The following BRD10 variants were observed in gnomAD, a reference collection of about 807,000 sequenced individuals.
The protein encoded by BRD10 is uncharacterized bromodomain-containing protein 10.
chr9:6,007,417 C>A, the BRD10 span: 2 of 1,607,272 alleles, frequency 1.2e-6, no homozygotes, highest in East Asian at 2.2e-5. Flanking sequence ...GCGACCGCCC[C>A]GGCCCCCGCT....
At chr9:5,917,531 A>G in the BRD10 span, among the ~76,000 whole-genome samples, 3 of 152,218 alleles carry the variant, frequency 2.0e-5, no homozygotes, top group African/African-American at 7.2e-5. Flanking sequence ...TTTTGGATTT[A>G]GGAGTTAGAA....
the BRD10 span, among the ~76,000 whole-genome samples, chr9:5,914,255 A>G: frequency 6.6e-6 from 1 of 150,642 alleles, no homozygotes; most frequent in Non-Finnish European, 1.5e-5. Flanking sequence ...ACAGCAACCA[A>G]CTCCTAAATA....
the BRD10 span, among the ~76,000 whole-genome samples, chr9:5,881,115 C>T: frequency 6.6e-6 from 1 of 152,198 alleles, no homozygotes; most frequent in African/African-American, 2.4e-5. Context: ...ACTTCACACA[C>T]ACACAATCCT....
the BRD10 span, among the ~76,000 whole-genome samples, chr9:5,916,489 G>C: frequency 2.0e-5 from 3 of 149,954 alleles, no homozygotes; most frequent in South Asian, 2.1e-4. Flanking sequence ...ACATGTATGT[G>C]TGTATATATA....
chr9:6,006,837 T>A, the BRD10 span, among the ~76,000 whole-genome samples: 1 of 152,236 alleles, frequency 6.6e-6, no homozygotes. Context: ...TTAAATGTCA[T>A]GCTAAAACTG....
chr9:5,993,312 T>TAA, the BRD10 span, among the ~76,000 whole-genome samples: 2,610 of 116,082 alleles, frequency 0.022, 93 homozygotes, highest in African/African-American at 0.083. Context: ...GAGACTCCAT[T>TAA]AAAAAAAAAA....
chr9:5,906,878 A>T, the BRD10 span: 1 of 1,542,842 alleles, frequency 6.5e-7, no homozygotes, highest in Non-Finnish European at 8.7e-7. Flanking sequence ...ATCAATTTAC[A>T]TTTCAGGATA....
chr9:5,915,396 T>A, the BRD10 span, among the ~76,000 whole-genome samples: 2 of 152,222 alleles, frequency 1.3e-5, no homozygotes, highest in South Asian at 2.1e-4. Flanking sequence ...TTCACAGCAA[T>A]CCTGCAAGGT....
At chr9:5,984,778 T>TA in the BRD10 span, among the ~76,000 whole-genome samples, 1 of 151,782 alleles carries the variant, frequency 6.6e-6, no homozygotes, top group Non-Finnish European at 1.5e-5. Context: ...ACCAAATATG[T>TA]AAAAAATGTG....
the BRD10 span, among the ~76,000 whole-genome samples, chr9:5,932,156 C>T: frequency 2.6e-5 from 4 of 152,028 alleles, no homozygotes; most frequent in East Asian, 3.8e-4. Flanking sequence ...TAAAAATCTA[C>T]ATAAAAATCA....
chr9:6,003,383 A>G, the BRD10 span, among the ~76,000 whole-genome samples: 1 of 152,152 alleles, frequency 6.6e-6, no homozygotes, highest in Non-Finnish European at 1.5e-5. Context: ...CGTTCTCTAA[A>G]GTTCTTTTCA....
chr9:5,998,189 T>C, the BRD10 span, among the ~76,000 whole-genome samples: 2 of 152,092 alleles, frequency 1.3e-5, no homozygotes, highest in African/African-American at 4.8e-5. Context: ...AAAGAAACTA[T>C]TAACAGTAGG....
At chr9:5,948,703 G>C in the BRD10 span, among the ~76,000 whole-genome samples, 1 of 151,774 alleles carries the variant, frequency 6.6e-6, no homozygotes, top group South Asian at 2.1e-4. Context: ...CAAAGCAAAA[G>C]GAAAACAATG....
the BRD10 span, among the ~76,000 whole-genome samples, chr9:5,980,936 T>TAAC: frequency 5.3e-5 from 8 of 152,210 alleles, no homozygotes; most frequent in East Asian, 7.7e-4. Flanking sequence ...ACAACAACAG[T>TAAC]AACAACAACA....
chr9:5,921,081 C>T, the BRD10 span: 22 of 1,613,824 alleles, frequency 1.4e-5, no homozygotes, highest in Non-Finnish European at 1.9e-5. Context: ...GATTCATTAA[C>T]AGGGGTAATA....
At chr9:5,920,240 T>C in the BRD10 span, 2 of 1,613,772 alleles carry the variant, frequency 1.2e-6, no homozygotes, top group Non-Finnish European at 1.7e-6. Flanking sequence ...GGGGGCTCCA[T>C]ATTTTGGATT....
At chr9:5,914,409 G>GTTTTTTTTTTTTTTTTTTTTTTTT in the BRD10 span, among the ~76,000 whole-genome samples, 1 of 106,966 alleles carries the variant, frequency 9.3e-6, no homozygotes, top group Non-Finnish European at 1.8e-5. Context: ...AAATCCAGAT[G>GTTTTTTTTTTTTTTTTTTTTTTTT]GTTTTTTTTT....
At chr9:5,935,475 A>C in the BRD10 span, among the ~76,000 whole-genome samples, 1 of 152,220 alleles carries the variant, frequency 6.6e-6, no homozygotes, top group Non-Finnish European at 1.5e-5. Flanking sequence ...TACATTTAAG[A>C]GACAATGTGC....
At chr9:5,889,112 A>G in the BRD10 span, among the ~76,000 whole-genome samples, 37 of 152,222 alleles carry the variant, frequency 2.4e-4, no homozygotes, top group Non-Finnish European at 4.3e-4. Flanking sequence ...TCTGAGAAGT[A>G]TGCTCAGCAA....
Sources: allele counts gnomAD v4.1 joint callset (sites outside exome capture counted in the v4.1 genomes callset), GRCh38; gene constraint gnomAD v4.1.1; transcripts MANE v1.5; gene names NCBI Gene and HGNC (gene_info 2026-07-23, HGNC 2026-07-21).